CRISP3: variants seen among roughly 807,000 people sequenced by gnomAD.
CRISP3 encodes the protein cysteine rich secretory protein 3, also known as cysteine-rich secretory protein 3.
A neutral mutation model predicts 36.1 loss-of-function variants in CRISP3; 33 were observed. The observed-to-expected ratio is 0.91, with a 90% CI of 0.69 to 1.22. CRISP3 has a LOEUF of 1.22. CRISP3 is among the 50% of genes most tolerant of loss of function. The pLI, the probability that CRISP3 is intolerant of heterozygous loss-of-function variation, is 0.00. For synonymous variants in CRISP3, 117 were observed against 104.6 expected (o/e 1.12, Z -0.72); for missense variants, 330 against 301.2 (o/e 1.10, Z -0.71).
intron 1 of CRISP3, among the ~76,000 whole-genome samples, chr6:49,737,891 T>A (rs1291298314): frequency 6.6e-6 from 1 of 152,224 alleles, no homozygotes; most frequent in Non-Finnish European, 1.5e-5. Context: ...TTCTTTTCCG[T>A]CAGGGATCTG....
At chr6:49,736,569 CTA>C (rs1309048328) in intron 2 of CRISP3, 62 bp from the exon 3 acceptor site, 9 of 1,176,338 alleles carry the variant, frequency 7.7e-6, no homozygotes. Flanking sequence ...ATAATAGTAA[CTA>C]TGTTAGTTCA....
Position 49,733,744 on chromosome 6 carries a change from C to G in CRISP3, c.421G>C (p.Gly141Arg). Reference sequence around the variant, plus strand: ...ACCACTGCGTTGGGAGTCTTTGGCCCTACACCAAAGTCAAAATCATTGTAC... The same window carrying G: ...ACCACTGCGTTGGGAGTCTTTGGCCGTACACCAAAGTCAAAATCATTGTAC... The part of the protein sequence containing the change: ...DEYNDFDFGV[G>R]PKTPNAVVGH... The change falls in exon 5 of 8, where the codon GGG becomes CGG. Residue 141 changes from glycine to arginine, a missense_variant. Coordinates refer to ENST00000263045, the MANE Select transcript of CRISP3 (RefSeq NM_006061.4). The G allele has an allele frequency of 1.9e-6, 3 of 1,613,652 alleles. No homozygotes were observed. Among genetic ancestry groups the G allele is most frequent in the Non-Finnish European group, 2.5e-6 (3 of 1,179,676 alleles).
In CRISP3 at chr6:49,728,093, AT is replaced by A. The variant is rs1768813002; in HGVS notation, c.*636del. 6.6e-6 allele frequency: 1 copy of A among 152,174 alleles called. No individual in the cohort carries two copies. The highest frequency in any genetic ancestry group is 6.5e-5 in the Admixed American group (1 of 15,276). 9.4% of individuals were successfully genotyped at this position (152,174 alleles called of 1,614,324 possible). ...TGTCAAAGAGAAGAGAGGTTTAAAA[AT>A]GAAGGTTTGATCATATTCTACTGTA... On this transcript the variant is annotated 3_prime_UTR_variant, in exon 8 of 8. Coordinates refer to ENST00000263045, the MANE Select transcript of CRISP3 (RefSeq NM_006061.4).
At chr6:49,741,575 CAAAAAATACGTCATT>C (rs1769202853) in intron 1 of CRISP3, among the ~76,000 whole-genome samples, 1 of 132,016 alleles carries the variant, frequency 7.6e-6, no homozygotes, top group Admixed American at 8.0e-5. Flanking sequence ...AGTAATATGA[CAAAAAATACGTCATT>C]AAATTCAACC....
At chr6:49,730,940 G>A (rs1768900069) in intron 7 of CRISP3, among the ~76,000 whole-genome samples, 1 of 152,148 alleles carries the variant, frequency 6.6e-6, no homozygotes, top group Admixed American at 6.5e-5. Flanking sequence ...TACTCAGGAG[G>A]CTGAGGCACA....
intron 1 of CRISP3, among the ~76,000 whole-genome samples, chr6:49,742,795 C>T (rs897158733): frequency 6.6e-6 from 1 of 151,538 alleles, no homozygotes; most frequent in Admixed American, 6.6e-5. Flanking sequence ...GAGGAAAATA[C>T]AAAACTTAAG....
At chr6:49,730,952 G>A (rs1388483251) in intron 7 of CRISP3, among the ~76,000 whole-genome samples, 1 of 152,202 alleles carries the variant, frequency 6.6e-6, no homozygotes, top group Non-Finnish European at 1.5e-5. Flanking sequence ...TGAGGCACAA[G>A]AATCACTTGA....
chr6:49,731,927 CCT>C (rs1357784345), intron 6 of CRISP3, among the ~76,000 whole-genome samples: 2 of 152,130 alleles, frequency 1.3e-5, no homozygotes, highest in Non-Finnish European at 2.9e-5. Flanking sequence ...ATACTAATCT[CCT>C]CTGTGTGTTC....
At chr6:49,733,594 A>C in intron 5 of CRISP3, 109 bp downstream of exon 5, 1 of 1,128,460 alleles carries the variant, frequency 8.9e-7, no homozygotes, top group East Asian at 2.5e-5. Flanking sequence ...ACTATTCTAT[A>C]TTCACTTGAA....
At chr6:49,729,914 G>A (rs1471891290) in intron 7 of CRISP3, among the ~76,000 whole-genome samples, 3 of 151,994 alleles carry the variant, frequency 2.0e-5, no homozygotes, top group Non-Finnish European at 4.4e-5. Context: ...TCATTCTTCT[G>A]TTTAAAATCT....
intron 7 of CRISP3, among the ~76,000 whole-genome samples, chr6:49,730,129 T>A (rs1768877443): frequency 6.6e-6 from 1 of 152,110 alleles, no homozygotes; most frequent in African/African-American, 2.4e-5. Flanking sequence ...GGTAAAAATC[T>A]CAATGAATGG....
At chr6:49,729,726 C>T (rs1417832487) in intron 7 of CRISP3, among the ~76,000 whole-genome samples, 1 of 152,098 alleles carries the variant, frequency 6.6e-6, no homozygotes, top group East Asian at 1.9e-4. Context: ...ACCGACTGTT[C>T]TATTTTCTTC....
rs565181505 is a variant in CRISP3, at chr6:49,736,545, G to A, written c.112-38C>T. 1.4e-5 allele frequency: 19 copies of A among 1,407,396 alleles called. No homozygotes were observed. The African/African-American group carries it at 2.0e-4, about 15-fold the overall frequency. The allele number at this position is 1,407,396 out of a possible 1,614,324, so 87.2% of individuals were successfully genotyped here. On this transcript the variant is annotated intron_variant, in intron 2 of 7. Transcript: ENST00000263045. Reference sequence around the variant, plus strand: ...AAAATTACAATTATCTTTTAACATTGTTGGAAATTGCACATAATAGTAACT... The same window carrying A: ...AAAATTACAATTATCTTTTAACATTATTGGAAATTGCACATAATAGTAACT...
At chr6:49,729,976 C>A (rs1323383189) in intron 7 of CRISP3, among the ~76,000 whole-genome samples, 1 of 152,114 alleles carries the variant, frequency 6.6e-6, no homozygotes, top group African/African-American at 2.4e-5. Flanking sequence ...TCTTAGAAAA[C>A]AGCATTTGGC....
At chr6:49,743,287 T>C (rs1384277696) in intron 1 of CRISP3, among the ~76,000 whole-genome samples, 1 of 152,164 alleles carries the variant, frequency 6.6e-6, no homozygotes, top group Non-Finnish European at 1.5e-5. Context: ...CTGACACTCT[T>C]CCTCCCAATT....
rs753711448 is a variant in CRISP3, at chr6:49,728,696, C to T, written c.*34G>A. The T allele has an allele frequency of 6.4e-7, 1 of 1,555,990 alleles. No homozygotes were observed. Among genetic ancestry groups the T allele is most frequent in the Admixed American group, 1.9e-5 (1 of 53,508 alleles). On this transcript the variant is annotated 3_prime_UTR_variant, in exon 8 of 8. Coordinates refer to ENST00000263045, the MANE Select transcript of CRISP3 (RefSeq NM_006061.4). ...AATCTAAGTAGATAATCTGACTCCTCTCTACATAGCCCTACTCGGTGTGTA... is the reference window on the plus strand; with the variant it reads ...AATCTAAGTAGATAATCTGACTCCTTTCTACATAGCCCTACTCGGTGTGTA...
intron 1 of CRISP3, among the ~76,000 whole-genome samples, chr6:49,743,682 G>T (rs1364222450): frequency 6.6e-6 from 1 of 152,070 alleles, no homozygotes; most frequent in East Asian, 1.9e-4. Flanking sequence ...TGTGGAAATT[G>T]CTTCCTTAGA....
At chr6:49,731,771 T>C (rs1312433919) in intron 6 of CRISP3, among the ~76,000 whole-genome samples, 1 of 152,028 alleles carries the variant, frequency 6.6e-6, no homozygotes, top group Admixed American at 6.6e-5. Flanking sequence ...GGCTTCTAGG[T>C]GGAGTGGTGA....
At chr6:49,742,683 G>C (rs944399064) in intron 1 of CRISP3, among the ~76,000 whole-genome samples, 6 of 134,680 alleles carry the variant, frequency 4.5e-5, no homozygotes, top group African/African-American at 1.6e-4. Flanking sequence ...AAAAAAGAAA[G>C]AATTAATTGG....
Sources: gnomAD v4.1 joint callset for allele counts (sites outside exome capture counted in the v4.1 genomes callset) on GRCh38, gnomAD v4.1.1 for gene constraint, MANE v1.5 for transcripts, NCBI Gene and HGNC (gene_info 2026-07-23, HGNC 2026-07-21) for gene names.